The following DPP6 variants were observed in gnomAD, a reference collection of about 807,000 sequenced individuals.
DPP6 encodes dipeptidyl peptidase like 6.
Under a neutral mutation model 122.6 loss-of-function variants are expected in DPP6, and 69 were observed. The ratio of observed to expected loss-of-function variants is 0.56; its 90% CI spans 0.46 to 0.69. The LOEUF is 0.69. Among genes scored for constraint, DPP6 ranks in the 30% least tolerant of loss-of-function variants. The probability of loss-of-function intolerance (pLI) is 0.00; values close to 1 mark genes in which losing one functional copy is unlikely to be tolerated. For synonymous variants in DPP6, 418 were observed against 433.1 expected (o/e 0.97, Z 0.43); for missense variants, 928 against 1,116.9 (o/e 0.83, Z 2.41).
chr7:154,423,178 C>T (rs1212176696), intron 1 of DPP6, among the ~76,000 whole-genome samples: 2 of 152,120 alleles, frequency 1.3e-5, no homozygotes, highest in Non-Finnish European at 2.9e-5. Context: ...AAGAATACAA[C>T]GTGAACTAAA....
intron 1 of DPP6, among the ~76,000 whole-genome samples, chr7:154,213,276 A>G (rs1207959236): frequency 1.3e-5 from 2 of 152,202 alleles, no homozygotes; most frequent in East Asian, 1.9e-4. Flanking sequence ...GCAATTCAAT[A>G]CTTTTATTTC....
At chr7:153,938,436 A>T (rs1162055378) in intron 1 of DPP6, among the ~76,000 whole-genome samples, 8 of 152,336 alleles carry the variant, frequency 5.3e-5, no homozygotes, top group Middle Eastern at 3.4e-3. Context: ...CCAAACCTCT[A>T]AGTCTTAAAG....
intron 5 of DPP6, among the ~76,000 whole-genome samples, chr7:154,596,306 C>T (rs1213880095): frequency 6.6e-6 from 1 of 152,232 alleles, no homozygotes; most frequent in Middle Eastern, 3.2e-3. Flanking sequence ...CAGTGACTGT[C>T]TGCTGCTGGA....
chr7:154,009,607 T>A (rs1002951647), intron 1 of DPP6, among the ~76,000 whole-genome samples: 2 of 152,072 alleles, frequency 1.3e-5, no homozygotes, highest in Non-Finnish European at 2.9e-5. Flanking sequence ...CTTGTGTCCC[T>A]GCCATGGCTC....
chr7:154,156,063 G>A (rs570660148), intron 1 of DPP6, among the ~76,000 whole-genome samples: 1 of 152,370 alleles, frequency 6.6e-6, no homozygotes, highest in South Asian at 2.1e-4. Context: ...AGCCCAGCCT[G>A]TCTTCCCCTC....
chr7:154,555,714 A>G (rs1346292736), intron 4 of DPP6, among the ~76,000 whole-genome samples: 3 of 152,058 alleles, frequency 2.0e-5, no homozygotes, highest in South Asian at 2.1e-4. Flanking sequence ...TATGAAATCA[A>G]TAGCTTTTCT....
chr7:153,817,162 T>C, the DPP6 span, among the ~76,000 whole-genome samples: 1 of 149,040 alleles, frequency 6.7e-6, no homozygotes, highest in East Asian at 2.0e-4. Flanking sequence ...CTCAAATCTG[T>C]TTCTTCTTCC....
intron 7 of DPP6, among the ~76,000 whole-genome samples, chr7:154,715,754 A>G (rs73167025): frequency 0.084 from 12,835 of 152,208 alleles, 609 homozygotes; most frequent in Middle Eastern, 0.18. Context: ...TGTATAAAAT[A>G]TGGTTTTGCC....
At chr7:154,294,841 C>A (rs988058632) in intron 1 of DPP6, among the ~76,000 whole-genome samples, 1 of 152,202 alleles carries the variant, frequency 6.6e-6, no homozygotes, top group African/African-American at 2.4e-5. Flanking sequence ...CCCCGACAAT[C>A]TGTGGGCTTG....
At chr7:154,128,560 C>T (rs1808115659) in intron 1 of DPP6, among the ~76,000 whole-genome samples, 2 of 152,082 alleles carry the variant, frequency 1.3e-5, no homozygotes, top group African/African-American at 4.8e-5. Flanking sequence ...CGCCACCGCG[C>T]CTGGCTAATT....
At chr7:154,627,587 A>G (rs1450187476) in intron 5 of DPP6, among the ~76,000 whole-genome samples, 1 of 152,192 alleles carries the variant, frequency 6.6e-6, no homozygotes, top group African/African-American at 2.4e-5. Flanking sequence ...ATGTTTGCCA[A>G]ATATGGTCAT....
intron 5 of DPP6, among the ~76,000 whole-genome samples, chr7:154,617,054 A>G (rs1384581778): frequency 1.2e-4 from 18 of 152,142 alleles, no homozygotes; most frequent in Non-Finnish European, 4.4e-5. Context: ...TCTGCTCCAT[A>G]TGAATGCATC....
intron 3 of DPP6, among the ~76,000 whole-genome samples, chr7:154,513,676 C>A (rs1349926698): frequency 6.6e-6 from 1 of 152,174 alleles, no homozygotes; most frequent in African/African-American, 2.4e-5. Context: ...AAGCCCTGCA[C>A]TGATTCCACC....
At chr7:154,253,991 G>T (rs917994570) in intron 1 of DPP6, among the ~76,000 whole-genome samples, 3 of 152,176 alleles carry the variant, frequency 2.0e-5, no homozygotes, top group African/African-American at 7.2e-5. Flanking sequence ...CAGGTCTCAT[G>T]AAAACTCACT....
intron 1 of DPP6, among the ~76,000 whole-genome samples, chr7:153,919,295 C>G (rs1267665032): frequency 2.0e-5 from 3 of 152,116 alleles, no homozygotes; most frequent in Non-Finnish European, 2.9e-5. Context: ...ATGCCTTTCC[C>G]CTAGCAAACT....
Position 154,760,770 on chromosome 7 carries a change from G to C in DPP6, c.884-8647G>C, listed in dbSNP as rs1042805364. Reference sequence around the variant, plus strand: ...CCACAACACAAATGAAGAGGAAAGAGAGAAGACAAAACAAAAAGAAGGGTA... The same window carrying C: ...CCACAACACAAATGAAGAGGAAAGACAGAAGACAAAACAAAAAGAAGGGTA... On this transcript the variant is annotated intron_variant, in intron 8 of 25. Transcript: ENST00000377770. This position sits in a 1 kb window ranked among gnomAD's most constrained non-coding sequence, Gnocchi z 4.5. 1.3e-5 allele frequency among the ~76,000 whole-genome samples: 2 copies of C among 151,660 alleles called. No homozygotes were observed. The highest frequency in any genetic ancestry group is 2.9e-5 in the Non-Finnish European group (2 of 67,968).
intron 16 of DPP6, among the ~76,000 whole-genome samples, chr7:154,837,414 G>T (rs572430080): frequency 6.6e-6 from 1 of 151,838 alleles, no homozygotes; most frequent in Non-Finnish European, 1.5e-5. Context: ...ATGTTCACAC[G>T]TGTATGCATA....
chr7:154,418,017 C>A (rs1425732097), intron 1 of DPP6, among the ~76,000 whole-genome samples: 1 of 152,234 alleles, frequency 6.6e-6, no homozygotes, highest in Admixed American at 6.5e-5. Context: ...CTGCTCATAG[C>A]CTATAATCCA....
chr7:154,144,529 A>G (rs1315131199), intron 1 of DPP6, among the ~76,000 whole-genome samples: 1 of 151,638 alleles, frequency 6.6e-6, no homozygotes, highest in Non-Finnish European at 1.5e-5. Flanking sequence ...CTTTCCTAAA[A>G]CTATGACAAT....
Sources: allele counts gnomAD v4.1 joint callset (sites outside exome capture counted in the v4.1 genomes callset), GRCh38; gene constraint gnomAD v4.1.1; non-coding constraint Gnocchi (gnomAD v3.1); transcripts MANE v1.5; gene names NCBI Gene and HGNC (gene_info 2026-07-23, HGNC 2026-07-21).